RDX: variants seen among roughly 807,000 people sequenced by gnomAD.
RDX encodes the protein deafness, autosomal recessive 24.
Under a neutral mutation model 83.7 loss-of-function variants are expected in RDX, and 32 were observed. The ratio of observed to expected loss-of-function variants is 0.38; its 90% CI spans 0.29 to 0.51. The LOEUF is 0.51. RDX is among the 20% of genes least tolerant of loss of function. The pLI is 0.87. For missense variants in RDX, 600 were observed against 689.9 expected (o/e 0.87, Z 1.46); for synonymous variants, 229 against 222.7 (o/e 1.03, Z -0.25).
intron 14 of RDX, among the ~76,000 whole-genome samples, chr11:110,201,386 T>C (rs1863395835): frequency 6.6e-6 from 1 of 151,926 alleles, no homozygotes; most frequent in Admixed American, 6.6e-5. Context: ...AAAGGAGGAT[T>C]TGGGAGTAAA....
At chr11:110,261,214 C>T (rs1859789991) in intron 5 of RDX, among the ~76,000 whole-genome samples, 1 of 152,150 alleles carries the variant, frequency 6.6e-6, no homozygotes. Flanking sequence ...TCAATAGGTT[C>T]AAAACTGAAT....
intron 15 of RDX, among the ~76,000 whole-genome samples, chr11:110,191,530 A>C (rs1032280940): frequency 1.2e-4 from 19 of 152,196 alleles, no homozygotes; most frequent in African/African-American, 4.6e-4. Flanking sequence ...CTCTTACCAC[A>C]CCTATTCAGC....
Position 110,254,195 on chromosome 11 carries a change from T to C in RDX, c.796-86A>G, listed in dbSNP as rs1262261818. On this transcript the variant is annotated intron_variant, in intron 8 of 13. Transcript: ENST00000645495. ...CTGTACTAAATTTTAACATGAGGTA[T>C]GAATTTTAATGTCATATTACATATA... is the stretch of plus-strand genomic sequence containing the variant. The C allele has an allele frequency of 8.7e-6, 9 of 1,032,834 alleles. No individual in the cohort carries two copies. The East Asian group carries it at 1.8e-4, about 21-fold the overall frequency. The allele number at this position is 1,032,834 out of a possible 1,614,324, so 64.0% of individuals were successfully genotyped here. A position where few individuals can be genotyped will look rare whatever the true frequency, so the allele number is the denominator to read the frequency against.
chr11:110,246,711 C>T (rs1859121369), intron 10 of RDX, among the ~76,000 whole-genome samples: 1 of 145,854 alleles, frequency 6.9e-6, no homozygotes, highest in South Asian at 2.2e-4. Context: ...GATCATGCCA[C>T]TGTACTCCAG....
intron 12 of RDX, among the ~76,000 whole-genome samples, 167 bp downstream of exon 12, chr11:110,235,932 C>T (rs1477149815): frequency 6.6e-6 from 1 of 152,198 alleles, no homozygotes; most frequent in African/African-American, 2.4e-5. Flanking sequence ...TTCTGTGTTC[C>T]CAAAGTACTT....
chr11:110,282,935 C>T (rs997375490), intron 1 of RDX, among the ~76,000 whole-genome samples: 18 of 152,130 alleles, frequency 1.2e-4, no homozygotes, highest in African/African-American at 4.1e-4. Context: ...TATGATCATG[C>T]CACTACAACC....
Position 110,264,379 on chromosome 11 carries a change from G to A in RDX, c.193-145C>T, listed in dbSNP as rs986134319. On this transcript the variant is annotated intron_variant, in intron 4 of 13. Transcript: ENST00000645495. ...TTTTAGTGTGTAATAGTCTAAATCTGTAAACAAATATATGTGGTAAAAGAT... is the reference window on the plus strand; with the variant it reads ...TTTTAGTGTGTAATAGTCTAAATCTATAAACAAATATATGTGGTAAAAGAT... 1.6e-5 allele frequency: 10 copies of A among 632,524 alleles called. No individual in the cohort carries two copies. The African/African-American group carries it at 1.7e-4, about 10-fold the overall frequency. The allele number at this position is 632,524 out of a possible 1,614,324, so 39.2% of individuals were successfully genotyped here.
chr11:110,258,739 T>A (rs984679885), intron 5 of RDX, among the ~76,000 whole-genome samples: 5 of 152,230 alleles, frequency 3.3e-5, no homozygotes, highest in Admixed American at 6.5e-5. Flanking sequence ...ACTAATTTTG[T>A]TGTTTTAGGT....
chr11:110,246,845 A>G (rs943939871), intron 10 of RDX, among the ~76,000 whole-genome samples: 3 of 152,126 alleles, frequency 2.0e-5, no homozygotes, highest in African/African-American at 7.2e-5. Flanking sequence ...TCTGTTCCCA[A>G]GCATTTTCAA....
At chr11:110,287,712 A>T (rs1402273518) in intron 1 of RDX, among the ~76,000 whole-genome samples, 1 of 152,016 alleles carries the variant, frequency 6.6e-6, no homozygotes, top group Non-Finnish European at 1.5e-5. Context: ...TAGAATGCTC[A>T]CTCTCCACTC....
intron 14 of RDX, among the ~76,000 whole-genome samples, chr11:110,223,520 T>A (rs1315959722): frequency 6.6e-6 from 1 of 150,668 alleles, no homozygotes; most frequent in East Asian, 1.9e-4. Context: ...AGAGAAAGAC[T>A]CTGTCTCAAA....
At chr11:110,281,938 C>CAAAAAAAAA (rs750336725) in intron 1 of RDX, among the ~76,000 whole-genome samples, 1 of 91,250 alleles carries the variant, frequency 1.1e-5, no homozygotes, top group African/African-American at 4.0e-5. Flanking sequence ...CCATCTCTAT[C>CAAAAAAAAA]AAAAAAAAAA....
rs771235303 is a variant in RDX, at chr11:110,237,600, T to G, written c.1143A>C (p.Arg381=). 3.7e-6 allele frequency: 6 copies of G among 1,614,104 alleles called. No homozygotes were observed. In the Admixed American group the frequency reaches 1.0e-4, roughly 27 times the overall value. The part of the protein sequence containing the change: ...KALELDQERK[R]AKEEAERLEK... Reference sequence around the variant, plus strand: ...CAAGTCGTTCTGCTTCTTCTTTTGCTCGTTTTCGTTCTTGATCCAGTTCTA... The same window carrying G: ...CAAGTCGTTCTGCTTCTTCTTTTGCGCGTTTTCGTTCTTGATCCAGTTCTA... The change falls in exon 11 of 14, where the codon CGA becomes CGC. Residue 381 remains arginine (R), a synonymous_variant. Transcript: ENST00000645495.
At chr11:110,216,954 T>C (rs1864076540) in intron 14 of RDX, among the ~76,000 whole-genome samples, 1 of 152,238 alleles carries the variant, frequency 6.6e-6, no homozygotes, top group African/African-American at 2.4e-5. Flanking sequence ...ACACAGGGCC[T>C]ACCTACCCCA....
At position 110,247,607 on chromosome 11, in the gene RDX, A is replaced by G. The variant is rs565850425; in HGVS notation, c.1090+96T>C. 5.0e-5 allele frequency: 63 copies of G among 1,254,886 alleles called. No individual in the cohort carries two copies. The South Asian group carries it at 7.3e-4, about 14-fold the overall frequency. 77.7% of individuals were successfully genotyped at this position (1,254,886 alleles called of 1,614,324 possible). A position where few individuals can be genotyped will look rare whatever the true frequency, so the allele number is the denominator to read the frequency against. On this transcript the variant is annotated intron_variant, in intron 10 of 13. Coordinates refer to ENST00000645495, the MANE Select transcript of RDX (RefSeq NM_002906.4). ...CCAATTAAATATACAATTGTCCTATATAACAAATAAGGTTTAAGAGTACTA... is the reference window on the plus strand; with the variant it reads ...CCAATTAAATATACAATTGTCCTATGTAACAAATAAGGTTTAAGAGTACTA...
At chr11:110,194,462 C>T (rs1272443578) in intron 15 of RDX, among the ~76,000 whole-genome samples, 8 of 152,178 alleles carry the variant, frequency 5.3e-5, no homozygotes, top group South Asian at 2.1e-4. Context: ...TCAACTGATC[C>T]GCCCACCTCA....
Position 110,247,831 on chromosome 11 carries a change from G to A in RDX, c.962C>T (p.Ala321Val). ...EEKHQKQLER[A>V]QLENEKKKRE... ...TTTCTTCTTTTCATTCTCTAATTGTGCCCTTAAAAGGAATTGCAATTGCTG... is the reference window on the plus strand; with the variant it reads ...TTTCTTCTTTTCATTCTCTAATTGTACCCTTAAAAGGAATTGCAATTGCTG... Residue 321 changes from alanine to valine, a missense_variant and splice_region_variant, in exon 10 of 14, where the codon GCA (alanine) becomes GTA (valine). By Grantham distance (64) the Ala-to-Val change is moderately conservative. Coordinates refer to ENST00000645495, the MANE Select transcript of RDX (RefSeq NM_002906.4). 1.3e-6 allele frequency: 2 copies of A among 1,557,774 alleles called. No homozygotes were observed. The highest frequency in any genetic ancestry group is 1.7e-6 in the Non-Finnish European group (2 of 1,152,438).
intron 10 of RDX, among the ~76,000 whole-genome samples, chr11:110,242,865 CTTT>C (rs760598960): frequency 7.2e-6 from 1 of 139,038 alleles, no homozygotes; most frequent in Non-Finnish European, 1.6e-5. Context: ...CAATCCAATG[CTTT>C]TTTTTTTTTT....
rs767179294 is a variant in RDX, at chr11:110,276,880, A to G, written c.12+2801T>C. Among the ~76,000 whole-genome samples the G allele has an allele frequency of 3.3e-5, 5 of 152,240 alleles. No homozygotes were observed. The South Asian group carries it at 1.0e-3, about 31-fold the overall frequency. ...GAAGTGATATAAGACTATCACTTGT[A>G]GTGAATTAATTTATTCCACTTCACG... On this transcript the variant is annotated intron_variant, in intron 2 of 13. Coordinates refer to ENST00000645495, the MANE Select transcript of RDX (RefSeq NM_002906.4).
Sources: gnomAD v4.1 joint callset for allele counts (sites outside exome capture counted in the v4.1 genomes callset) on GRCh38, gnomAD v4.1.1 for gene constraint, MANE v1.5 for transcripts, NCBI Gene and HGNC (gene_info 2026-07-23, HGNC 2026-07-21) for gene names.